Variants in AP4B1 observed in about 807,000 individuals in gnomAD.
The protein encoded by AP4B1 is AP-4 complex subunit beta-1.
In AP4B1, 49 loss-of-function variants were observed where a neutral mutation model predicts 76.5. That is an observed-to-expected ratio of 0.64 (90% CI 0.51 to 0.81). AP4B1 has a LOEUF of 0.81. Ranked by LOEUF, AP4B1 falls within the 40% of genes least tolerant of loss-of-function variation. The probability of loss-of-function intolerance (pLI) is 0.00; values close to 1 mark genes in which losing one functional copy is unlikely to be tolerated. For missense variants in AP4B1, 911 were observed against 904.9 expected (o/e 1.01, Z -0.09); for synonymous variants, 330 against 333.3 (o/e 0.99, Z 0.11).
Position 113,901,328 on chromosome 1 carries a change from T to A in AP4B1, c.525A>T (p.Val175=). Residue 175 remains valine (V), a synonymous_variant, in exon 4 of 10, where the codon GTA becomes GTT. Coordinates refer to ENST00000369569, the MANE Select transcript of AP4B1 (RefSeq NM_001253852.3). The part of the protein sequence containing the change: ...YSLLRDQDPI[V]VVNCLRSLEE... Reference sequence around the variant, plus strand: ...CTAGAGACCTCAAGCAGTTCACAACTACAATTGGATCCTGGTCACGCAGCA... The same window carrying A: ...CTAGAGACCTCAAGCAGTTCACAACAACAATTGGATCCTGGTCACGCAGCA... The A allele has an allele frequency of 6.2e-7, 1 of 1,614,100 alleles. No homozygotes were observed. The highest frequency in any genetic ancestry group is 8.5e-7 in the Non-Finnish European group (1 of 1,179,986).
chr1:113,895,313 G>A lies in AP4B1; in HGVS notation c.1972C>T (p.Gln658Ter). The change falls in exon 10 of 10, where the codon CAG (glutamine) becomes TAG (stop). Residue 658 changes from glutamine to a stop codon, truncating the protein, a stop_gained. Coordinates refer to ENST00000369569, the MANE Select transcript of AP4B1 (RefSeq NM_001253852.3). LOFTEE classifies it high-confidence loss of function. ...WRGEFHPDTLQMALQVVNIQT... is the reference protein window; with the variant it reads ...WRGEFHPDTL ...ATGTTCACTACTTGAAGAGCCATCT[G>A]GAGGGTGTCAGGATGGAATTCTCCC... 2 of 1,614,216 alleles carry A rather than the reference G, an allele frequency of 1.2e-6. No individual in the cohort carries two copies. Among genetic ancestry groups the A allele is most frequent in the Non-Finnish European group, 1.7e-6 (2 of 1,180,040 alleles).
At chr1:113,900,818 G>A (rs1288175699) in intron 4 of AP4B1, 3 of 282,144 alleles carry the variant, frequency 1.1e-5, no homozygotes, top group African/African-American at 6.6e-5. Flanking sequence ...AGTTAATAGT[G>A]GTTAACTGGC....
chr1:113,899,720 A>C (rs1343321724), intron 5 of AP4B1, 184 bp downstream of exon 5: 2 of 960,816 alleles, frequency 2.1e-6, no homozygotes, highest in Admixed American at 4.9e-5. Flanking sequence ...CTTGACCAAA[A>C]AAAAACAAAA....
chr1:113,896,766 T>G, intron 7 of AP4B1: 1 of 445,312 alleles, frequency 2.2e-6, no homozygotes, highest in South Asian at 2.6e-5. Context: ...CAGTGGAAGC[T>G]GCTCAAAGAA....
chr1:113,895,304 G>A lies in AP4B1; in HGVS notation c.1981C>T (p.Leu661Phe), dbSNP rs1667326839. 1 of 1,614,224 alleles carries A rather than the reference G, an allele frequency of 6.2e-7. No individual in the cohort carries two copies. Among genetic ancestry groups the A allele is most frequent in the Non-Finnish European group, 8.5e-7 (1 of 1,180,046 alleles). Residue 661 changes from leucine (L) to phenylalanine (F), a missense_variant, in exon 10 of 10, where the codon CTT (leucine) becomes TTT (phenylalanine). Transcript: ENST00000369569. Reference protein sequence around the residue: ...EFHPDTLQMALQVVNIQTIAM... With the variant: ...EFHPDTLQMAFQVVNIQTIAM... Reference sequence around the variant, plus strand: ...ATGGTCTGGATGTTCACTACTTGAAGAGCCATCTGGAGGGTGTCAGGATGG... The same window carrying A: ...ATGGTCTGGATGTTCACTACTTGAAAAGCCATCTGGAGGGTGTCAGGATGG...
chr1:113,900,274 G>GCTA lies in AP4B1; in HGVS notation c.741_743dup (p.Ser248dup), dbSNP rs1558089882. 6.2e-7 allele frequency: 1 copy of GCTA among 1,605,222 alleles called. No homozygotes were observed. Among genetic ancestry groups the GCTA allele is most frequent in the African/African-American group, 1.3e-5 (1 of 74,572 alleles). On this transcript the variant is annotated inframe_insertion, in exon 5 of 10. Coordinates refer to ENST00000369569, the MANE Select transcript of AP4B1 (RefSeq NM_001253852.3). ...TGGTAGCTCCCATCACCACACCTGG[G>GCTA]CTACTGCTCTTGAGGAAACTATCCA...
rs1300413156 is a variant in AP4B1 at position 113,895,871 on chromosome 1, A to C, written c.1678T>G (p.Phe560Val). Reference protein sequence around the residue: ...ERPVNSWASDFNTLVPVYGKA... With the variant: ...ERPVNSWASDVNTLVPVYGKA... ...CCATACACTGGCACCAGTGTGTTGAAGTCTGAGGCCCAGCTATTCACAGGT... is the reference window on the plus strand; with the variant it reads ...CCATACACTGGCACCAGTGTGTTGACGTCTGAGGCCCAGCTATTCACAGGT... The change falls in exon 9 of 10, where the codon TTC (phenylalanine) becomes GTC (valine). Residue 560 changes from phenylalanine (F) to valine (V), a missense_variant. Physicochemically the swap from Phe to Val is conservative, Grantham distance 50. Coordinates refer to ENST00000369569, the MANE Select transcript of AP4B1 (RefSeq NM_001253852.3). 1 of 1,614,242 alleles carries C rather than the reference A, an allele frequency of 6.2e-7. No individual in the cohort carries two copies. Among genetic ancestry groups the C allele is most frequent in the African/African-American group, 1.3e-5 (1 of 75,064 alleles).
intron 4 of AP4B1, 103 bp downstream of exon 4, chr1:113,901,133 C>T (rs1440577130): frequency 6.9e-7 from 1 of 1,443,600 alleles, no homozygotes; most frequent in Non-Finnish European, 9.7e-7. Context: ...TAATGGTTAA[C>T]TTTCTTTTCT....
intron 5 of AP4B1, chr1:113,899,040 C>T: frequency 4.1e-6 from 5 of 1,226,516 alleles, no homozygotes; most frequent in East Asian, 2.9e-5. Context: ...AAAACAATTC[C>T]CCATTAAACA....
Position 113,896,282 on chromosome 1 carries a change from C to T in AP4B1, c.1486G>A (p.Gly496Arg). 6.2e-7 allele frequency: 1 copy of T among 1,614,134 alleles called. No homozygotes were observed. Among genetic ancestry groups the T allele is most frequent in the Non-Finnish European group, 8.5e-7 (1 of 1,179,992 alleles). The change falls in exon 8 of 10, where the codon GGA becomes AGA. Residue 496 changes from glycine (G) to arginine (R), a missense_variant. Transcript: ENST00000369569. Reference sequence around the variant, plus strand: ...CCTATGCAGTAATACAACAAACGTCCTAGCATGTCCTGGCACTCAGCAGGT... The same window carrying T: ...CCTATGCAGTAATACAACAAACGTCTTAGCATGTCCTGGCACTCAGCAGGT... ...SRPAECQDMLGRLLYYCIEEE... is the reference protein window; with the variant it reads ...SRPAECQDMLRRLLYYCIEEE...
chr1:113,902,486 G>A (rs1351850760), intron 2 of AP4B1, 152 bp downstream of exon 2: 1 of 774,894 alleles, frequency 1.3e-6, no homozygotes, highest in Non-Finnish European at 2.2e-6. Context: ...AGGTTATTAA[G>A]CCAAAGCAGT....
intron 1 of AP4B1, among the ~76,000 whole-genome samples, chr1:113,903,435 G>A (rs1307309271): frequency 2.0e-5 from 3 of 152,168 alleles, no homozygotes. Flanking sequence ...ACATGCTCTT[G>A]GGACATAATC....
chr1:113,899,164 T>G, intron 5 of AP4B1: 3 of 1,086,180 alleles, frequency 2.8e-6, no homozygotes, highest in Non-Finnish European at 3.4e-6. Flanking sequence ...TTGACAGCAG[T>G]CTCCTAAGGA....
At chr1:113,899,740 A>C in intron 5 of AP4B1, 164 bp downstream of exon 5, 9 of 1,177,880 alleles carry the variant, frequency 7.6e-6, no homozygotes, top group Non-Finnish European at 1.1e-5. Context: ...AAACAAAAAA[A>C]AACTCTCTTC....
At chr1:113,898,633 A>C in intron 6 of AP4B1, 85 bp downstream of exon 6, 2 of 1,016,492 alleles carry the variant, frequency 2.0e-6, no homozygotes, top group Non-Finnish European at 3.1e-6. Flanking sequence ...TATATTACTC[A>C]TTCAACAACA....
chr1:113,901,667 T>A, intron 3 of AP4B1, 88 bp downstream of exon 3: 1 of 1,557,206 alleles, frequency 6.4e-7, no homozygotes, highest in Non-Finnish European at 8.8e-7. Flanking sequence ...TGGGGCCACA[T>A]TATTATTTTC....
chr1:113,904,635 C>G lies in AP4B1; in HGVS notation c.83G>C (p.Arg28Pro). Residue 28 changes from arginine to proline, a missense_variant, in exon 1 of 10, where the codon CGC becomes CCC. By Grantham distance (103) the Arg-to-Pro change is moderately radical. Coordinates refer to ENST00000369569, the MANE Select transcript of AP4B1 (RefSeq NM_001253852.3). ...CNPHIQADRLRYRNVIQRVIR... is the reference protein window; with the variant it reads ...CNPHIQADRLPYRNVIQRVIR... ...CACTCGCTGGATGACATTCCGGTAG[C>G]GCAGCCTATCAGCTTGAATGTGAGG... 2 of 1,613,846 alleles carry G rather than the reference C, an allele frequency of 1.2e-6. No homozygotes were observed. Among genetic ancestry groups the G allele is most frequent in the Non-Finnish European group, 1.7e-6 (2 of 1,180,002 alleles).
chr1:113,900,678 A>G, intron 4 of AP4B1: 1 of 475,638 alleles, frequency 2.1e-6, no homozygotes, highest in Non-Finnish European at 3.7e-6. Flanking sequence ...TTAAGACACT[A>G]TAAATGGCTT....
intron 1 of AP4B1, among the ~76,000 whole-genome samples, chr1:113,903,373 A>G (rs1668558689): frequency 6.6e-6 from 1 of 152,330 alleles, no homozygotes; most frequent in South Asian, 2.1e-4. Flanking sequence ...GCCTCAACAA[A>G]CACTTATTGA....
Sources: gnomAD v4.1 joint callset for allele counts (sites outside exome capture counted in the v4.1 genomes callset) on GRCh38, gnomAD v4.1.1 for gene constraint, MANE v1.5 for transcripts, NCBI Gene and HGNC (gene_info 2026-07-23, HGNC 2026-07-21) for gene names.